EFTUD2: variants seen among roughly 807,000 people sequenced by gnomAD.
EFTUD2 encodes 116 kDa U5 small nuclear ribonucleoprotein component.
A neutral mutation model predicts 114.3 loss-of-function variants in EFTUD2; 9 were observed. The ratio of observed to expected loss-of-function variants is 0.08; its 90% CI spans 0.05 to 0.14. The LOEUF is 0.14. EFTUD2 is among the 10% of genes least tolerant of loss of function. The pLI is 1.00. For missense variants in EFTUD2, 765 were observed against 1,241.2 expected (o/e 0.62, Z 5.76); for synonymous variants, 449 against 462.3 (o/e 0.97, Z 0.37).
At chr17:44,894,837 TG>T (rs993319198) in intron 1 of EFTUD2, among the ~76,000 whole-genome samples, 1 of 152,182 alleles carries the variant, frequency 6.6e-6, no homozygotes, top group African/African-American at 2.4e-5. Context: ...AGATGGGGCG[TG>T]GGGGGCGCTC....
intron 5 of EFTUD2, among the ~76,000 whole-genome samples, 191 bp from the exon 6 acceptor site, chr17:44,883,349 TAGAC>T (rs1207715520): frequency 1.3e-5 from 2 of 152,212 alleles, no homozygotes; most frequent in Non-Finnish European, 2.9e-5. Context: ...AAATCTTTCT[TAGAC>T]AGGCATCCCT....
intron 10 of EFTUD2, 98 bp downstream of exon 10, chr17:44,875,836 C>CACACGCTTAGAAATAAATCACAGTTGT: frequency 6.7e-7 from 1 of 1,482,362 alleles, no homozygotes; most frequent in Non-Finnish European, 9.2e-7. Flanking sequence ...AACTCATCAA[C>CACACGCTTAGAAATAAATCACAGTTGT]ACACGCTTAG....
At chr17:44,876,870 A>C (rs933727568) in intron 9 of EFTUD2, among the ~76,000 whole-genome samples, 1 of 150,142 alleles carries the variant, frequency 6.7e-6, no homozygotes, top group African/African-American at 2.4e-5. Context: ...AAAAAAAAAA[A>C]AAAAAAAAAA....
chr17:44,865,093 C>G, intron 13 of EFTUD2, 28 bp from the exon 14 acceptor site: 2 of 1,613,366 alleles, frequency 1.2e-6, no homozygotes, highest in African/African-American at 2.7e-5. Context: ...ACCATGTCAG[C>G]TGTAGTGAGA....
At position 44,870,794 on chromosome 17, in the gene EFTUD2, C is replaced by T. The variant is rs553604024; in HGVS notation, c.994+1652G>A. Reference sequence around the variant, plus strand: ...CAGCACTTTGAGAGGCCGAGGTGGGCGGATCACGAGGTCAGGAGTTCGAGA... The same window carrying T: ...CAGCACTTTGAGAGGCCGAGGTGGGTGGATCACGAGGTCAGGAGTTCGAGA... On this transcript the variant is annotated intron_variant, in intron 11 of 27. Coordinates refer to ENST00000426333, the MANE Select transcript of EFTUD2 (RefSeq NM_004247.4). 1.6e-3 allele frequency among the ~76,000 whole-genome samples: 241 copies of T among 152,080 alleles called. 1 individual carries two copies. The highest frequency in any genetic ancestry group is 5.4e-3 in the African/African-American group (224 of 41,490).
At chr17:44,884,710 T>C (rs112305254) in intron 4 of EFTUD2, among the ~76,000 whole-genome samples, 70 of 151,910 alleles carry the variant, frequency 4.6e-4, no homozygotes, top group African/African-American at 1.6e-3. Flanking sequence ...TTGGGCAACA[T>C]AGTGAAACAG....
At chr17:44,891,820 ACT>A (rs1259579498) in intron 2 of EFTUD2, 7 of 151,932 alleles carry the variant, frequency 4.6e-5, no homozygotes, top group African/African-American at 1.7e-4. Flanking sequence ...CTAAAAAGAA[ACT>A]CTGTTACTTA....
chr17:44,860,422 G>A lies in EFTUD2; in HGVS notation c.1719+10C>T. 1 of 1,608,452 alleles carries A rather than the reference G, an allele frequency of 6.2e-7. No homozygotes were observed. The highest frequency in any genetic ancestry group is 8.5e-7 in the Non-Finnish European group (1 of 1,174,936). ...TAAGCCAACCCAGTTGGTCTCTTCA[G>A]AAACTCTACCTCCTCATTGCCTCGG... On this transcript the variant is annotated intron_variant, in intron 17 of 27. Transcript: ENST00000426333.
intron 14 of EFTUD2, among the ~76,000 whole-genome samples, chr17:44,864,626 C>T (rs1386176747): frequency 6.6e-6 from 1 of 152,166 alleles, no homozygotes; most frequent in Non-Finnish European, 1.5e-5. Flanking sequence ...CCCAAGCATC[C>T]ACCTTCCCGG....
chr17:44,872,055 C>A (rs969157583), intron 11 of EFTUD2, among the ~76,000 whole-genome samples: 1 of 152,096 alleles, frequency 6.6e-6, no homozygotes, highest in Admixed American at 6.5e-5. Context: ...CTCAATTAGA[C>A]CCATGAAATT....
intron 11 of EFTUD2, among the ~76,000 whole-genome samples, chr17:44,869,470 TA>T (rs2050808512): frequency 6.6e-6 from 1 of 152,142 alleles, no homozygotes; most frequent in South Asian, 2.1e-4. Context: ...AGCTAATTTT[TA>T]AAATTTTTTG....
intron 1 of EFTUD2, among the ~76,000 whole-genome samples, chr17:44,894,878 C>A (rs1448220985): frequency 6.6e-6 from 1 of 152,218 alleles, no homozygotes; most frequent in Non-Finnish European, 1.5e-5. Context: ...CCCCCTCCCT[C>A]CACTTTTTTA....
Position 44,886,761 on chromosome 17 carries a change from G to C in EFTUD2, c.106-11C>G. On this transcript the variant is annotated splice_polypyrimidine_tract_variant and intron_variant, in intron 2 of 27. Transcript: ENST00000426333. ...GTCATCATCATCCATCTGAAAGCAA[G>C]AGGGAGAGGGAGAATCGAAGAGGCA... 1 of 1,610,330 alleles carries C rather than the reference G, an allele frequency of 6.2e-7. No homozygotes were observed. The highest frequency in any genetic ancestry group is 2.2e-5 in the East Asian group (1 of 44,812).
Position 44,859,166 on chromosome 17 carries a change from C to G in EFTUD2, c.1876G>C (p.Glu626Gln). 1 of 1,613,326 alleles carries G rather than the reference C, an allele frequency of 6.2e-7. No homozygotes were observed. Among genetic ancestry groups the G allele is most frequent in the Non-Finnish European group, 8.5e-7 (1 of 1,179,242 alleles). ...TCCCCAGTGCCCAGGATCACATGCTCGCCAGACTCCTCCACCTGAAACACA... is the reference window on the plus strand; with the variant it reads ...TCCCCAGTGCCCAGGATCACATGCTGGCCAGACTCCTCCACCTGAAACACA... ...SLTTKVEESG[E>Q]HVILGTGELY... Residue 626 changes from glutamate to glutamine, a missense_variant, in exon 19 of 28, where the codon GAG becomes CAG. Transcript: ENST00000426333.
At position 44,872,471 on chromosome 17, in the gene EFTUD2, A is replaced by C. The variant is rs1416418787; in HGVS notation, c.969T>G (p.Phe323Leu). 1 of 1,613,330 alleles carries C rather than the reference A, an allele frequency of 6.2e-7. No homozygotes were observed. Among genetic ancestry groups the C allele is most frequent in the Non-Finnish European group, 8.5e-7 (1 of 1,179,460 alleles). Residue 323 changes from phenylalanine to leucine, a missense_variant, in exon 11 of 28, where the codon TTT (phenylalanine) becomes TTG (leucine). By Grantham distance (22) the Phe-to-Leu change is conservative. Around this residue, in one of 6 missense-constraint regions of EFTUD2, gnomAD observed 251 missense variants for 357.7 expected, o/e 0.70. Transcript: ENST00000426333. ...QYSICFTLGS[F>L]AKIYADTFGD... is the part of the protein sequence containing the mutation. ...CAAAGGTGTCGGCATAGATCTTGGC[A>C]AAGGAGCCCAGCGTGAAGCAGATGC... is the stretch of plus-strand genomic sequence containing the variant.
chr17:44,857,200 GT>G (rs752540647), intron 19 of EFTUD2, 43 bp from the exon 20 acceptor site: 1 of 1,565,212 alleles, frequency 6.4e-7, no homozygotes, highest in Admixed American at 1.7e-5. Context: ...GTCTAATTTT[GT>G]TGGAAGGGCA....
chr17:44,853,490 T>C (rs777692171), intron 24 of EFTUD2, 27 bp downstream of exon 24: 2 of 1,612,910 alleles, frequency 1.2e-6, no homozygotes, highest in Admixed American at 3.3e-5. Context: ...GTGAAGCAGA[T>C]GGTCCCCTAC....
chr17:44,867,759 A>T, intron 13 of EFTUD2, 48 bp downstream of exon 13: 1 of 1,436,408 alleles, frequency 7.0e-7, no homozygotes, highest in African/African-American at 1.4e-5. Flanking sequence ...GCTCTTCCAC[A>T]CTGTGCTTAT....
At chr17:44,883,398 C>T (rs1353048245) in intron 5 of EFTUD2, among the ~76,000 whole-genome samples, 1 of 152,178 alleles carries the variant, frequency 6.6e-6, no homozygotes, top group Non-Finnish European at 1.5e-5. Context: ...CAGAGTAAGG[C>T]TCAATTTCCC....
Sources: allele counts gnomAD v4.1 joint callset (sites outside exome capture counted in the v4.1 genomes callset), GRCh38; gene constraint gnomAD v4.1.1; regional missense constraint gnomAD v4.1.1; transcripts MANE v1.5; gene names NCBI Gene and HGNC (gene_info 2026-07-23, HGNC 2026-07-21).